The following FARP1 variants were observed in gnomAD, a reference collection of about 807,000 sequenced individuals.
The protein encoded by FARP1 is FERM, ARHGEF and pleckstrin domain-containing protein 1.
FARP1 carries 52 observed loss-of-function variants against 128.8 expected under a neutral mutation model. The ratio of observed to expected loss-of-function variants is 0.40; its 90% CI spans 0.32 to 0.51. FARP1 has a LOEUF of 0.51. Ranked by LOEUF, FARP1 falls within the 20% of genes least tolerant of loss-of-function variation. FARP1 has a pLI of 0.45. For missense variants in FARP1, 1,333 were observed against 1,367.9 expected, an observed-to-expected ratio of 0.97 and a Z score of 0.40; for synonymous variants, 580 against 551.8, an observed-to-expected ratio of 1.05 and a Z score of -0.72.
chr13:98,213,305 G>T lies in FARP1; in HGVS notation c.63G>T (p.Gly21=). The T allele has an allele frequency of 6.2e-7, 1 of 1,614,130 alleles. No homozygotes were observed. The highest frequency in any genetic ancestry group is 8.5e-7 in the Non-Finnish European group (1 of 1,180,016). ...GSRLGAPENS[G]ISTLERGQKP... Reference sequence around the variant, plus strand: ...GACTGGGGGCCCCGGAAAATTCGGGGATCAGTACCTTGGAACGTGGACAGA... The same window carrying T: ...GACTGGGGGCCCCGGAAAATTCGGGTATCAGTACCTTGGAACGTGGACAGA... The change falls in exon 2 of 27, where the codon GGG becomes GGT. Residue 21 remains glycine, a synonymous_variant. Coordinates refer to ENST00000319562, the MANE Select transcript of FARP1 (RefSeq NM_005766.4).
At chr13:98,437,337 A>G (rs917018214) in intron 19 of FARP1, among the ~76,000 whole-genome samples, 4 of 152,202 alleles carry the variant, frequency 2.6e-5, no homozygotes, top group Admixed American at 2.0e-4. Flanking sequence ...AGCTCCTGTA[A>G]TCGCTCCGTG....
At chr13:98,354,981 A>G (rs1275757153) in intron 3 of FARP1, among the ~76,000 whole-genome samples, 1 of 152,250 alleles carries the variant, frequency 6.6e-6, no homozygotes, top group East Asian at 1.9e-4. Flanking sequence ...TCATGTTTTT[A>G]TACTGATTAC....
chr13:98,209,408 C>G (rs2139307098), intron 1 of FARP1, among the ~76,000 whole-genome samples: 1 of 149,630 alleles, frequency 6.7e-6, no homozygotes, highest in East Asian at 2.0e-4. Flanking sequence ...TGGAGGCAGA[C>G]AGAGGCAGCG....
intron 1 of FARP1, among the ~76,000 whole-genome samples, chr13:98,160,327 C>T (rs1876788241): frequency 6.6e-6 from 1 of 152,138 alleles, no homozygotes; most frequent in Non-Finnish European, 1.5e-5. Context: ...CTGCCTGGTG[C>T]TGGGGAGTGG....
chr13:98,285,991 G>A (rs924317367), intron 2 of FARP1, among the ~76,000 whole-genome samples: 2 of 152,040 alleles, frequency 1.3e-5, no homozygotes, highest in African/African-American at 2.4e-5. Context: ...TATGTATGCC[G>A]CTTCCTCTTT....
chr13:98,180,999 T>A (rs1878465943), intron 1 of FARP1, among the ~76,000 whole-genome samples: 1 of 152,230 alleles, frequency 6.6e-6, no homozygotes. Context: ...TTACATTTGT[T>A]TTCTTAGGGT....
intron 16 of FARP1, among the ~76,000 whole-genome samples, chr13:98,417,304 G>C (rs1891412406): frequency 6.6e-6 from 1 of 151,926 alleles, no homozygotes; most frequent in South Asian, 2.1e-4. Flanking sequence ...TCCACAAGAA[G>C]AATCAGATCT....
At chr13:98,207,543 G>A (rs1393395122) in intron 1 of FARP1, among the ~76,000 whole-genome samples, 1 of 151,924 alleles carries the variant, frequency 6.6e-6, no homozygotes, top group African/African-American at 2.4e-5. Flanking sequence ...GCCGTCATCG[G>A]CTCCCTGGAT....
intron 2 of FARP1, among the ~76,000 whole-genome samples, chr13:98,224,526 CA>C (rs1203238924): frequency 3.8e-3 from 189 of 50,266 alleles, no homozygotes; most frequent in African/African-American, 0.01. Context: ...GACTCTGTCT[CA>C]AAAAAAAAAA....
Position 98,359,080 on chromosome 13 carries a change from T to C in FARP1, c.277-6315T>C, listed in dbSNP as rs1461665005. Among the ~76,000 whole-genome samples, 3 of 152,212 alleles carry C rather than the reference T, an allele frequency of 2.0e-5. No homozygotes were observed. In the East Asian group the frequency reaches 5.8e-4, roughly 29 times the overall value. On this transcript the variant is annotated intron_variant, in intron 3 of 26. Transcript: ENST00000319562. ...AGGTTGTTTTTGTCATATGCTGTTTTGGTAGTTAAGAAGAGAACTGAACTT... is the reference window on the plus strand; with the variant it reads ...AGGTTGTTTTTGTCATATGCTGTTTCGGTAGTTAAGAAGAGAACTGAACTT...
intron 16 of FARP1, 48 bp downstream of exon 16, chr13:98,412,082 T>G (rs1446187164): frequency 7.5e-6 from 12 of 1,592,176 alleles, no homozygotes; most frequent in Non-Finnish European, 1.0e-5. Context: ...CCGTCTTGCT[T>G]GTGTTATTTT....
Position 98,211,131 on chromosome 13 carries a change from C to T in FARP1, c.-23-2089C>T, listed in dbSNP as rs565346972. 5.3e-5 allele frequency among the ~76,000 whole-genome samples: 8 copies of T among 152,278 alleles called. No individual in the cohort carries two copies. The South Asian group carries it at 1.2e-3, about 24-fold the overall frequency. On this transcript the variant is annotated intron_variant, in intron 1 of 26. Coordinates refer to ENST00000319562, the MANE Select transcript of FARP1 (RefSeq NM_005766.4). ...TTCCCTCAGTGGCTCCTGCTGCCTG[C>T]AGGGTAAAGACCATATTTTTCAGCC...
chr13:98,389,892 TCTC>T (rs980700134), intron 9 of FARP1, 62 bp from the exon 10 acceptor site: 5 of 1,494,422 alleles, frequency 3.3e-6, no homozygotes, highest in African/African-American at 1.4e-5. Flanking sequence ...CTGCCCCTTT[TCTC>T]CTATTTCAGT....
chr13:98,224,810 T>C (rs2139377560), intron 2 of FARP1, among the ~76,000 whole-genome samples: 1 of 152,260 alleles, frequency 6.6e-6, no homozygotes. Flanking sequence ...ACAGAGAACA[T>C]GAAGGCTGTG....
chr13:98,239,523 G>A (rs1244707721), intron 2 of FARP1, among the ~76,000 whole-genome samples: 2 of 152,186 alleles, frequency 1.3e-5, no homozygotes, highest in Non-Finnish European at 2.9e-5. Flanking sequence ...GTGGTGTGAG[G>A]GGTGGAGGGG....
chr13:98,416,976 C>T (rs1463737798), intron 16 of FARP1, among the ~76,000 whole-genome samples: 5 of 152,058 alleles, frequency 3.3e-5, no homozygotes, highest in Non-Finnish European at 5.9e-5. Flanking sequence ...GGAAAGCATG[C>T]GGGAGACTGG....
intron 2 of FARP1, among the ~76,000 whole-genome samples, chr13:98,291,108 T>C (rs1236662703): frequency 6.6e-6 from 1 of 152,158 alleles, no homozygotes; most frequent in Non-Finnish European, 1.5e-5. Flanking sequence ...CCCCAAAAAC[T>C]TAACTACTAA....
chr13:98,446,631 C>T, intron 25 of FARP1, 35 bp from the exon 26 acceptor site: 9 of 1,610,232 alleles, frequency 5.6e-6, no homozygotes, highest in Non-Finnish European at 7.6e-6. Context: ...GAAGCTGACC[C>T]CGAAAAGCCA....
intron 19 of FARP1, 110 bp downstream of exon 19, chr13:98,435,816 C>T (rs770492745): frequency 1.2e-5 from 13 of 1,126,566 alleles, no homozygotes; most frequent in East Asian, 2.4e-5. Context: ...AAAATGTCCT[C>T]TTTCCATCCA....
Sources: gnomAD v4.1 joint callset for allele counts (sites outside exome capture counted in the v4.1 genomes callset) on GRCh38, gnomAD v4.1.1 for gene constraint, MANE v1.5 for transcripts, NCBI Gene and HGNC (gene_info 2026-07-23, HGNC 2026-07-21) for gene names.